Variants in DIAPH1 observed in about 807,000 individuals in gnomAD.
DIAPH1 encodes protein diaphanous homolog 1.
DIAPH1 carries 46 observed loss-of-function variants against 140.7 expected under a neutral mutation model. The observed-to-expected ratio is 0.33, with a 90% CI of 0.26 to 0.42. The LOEUF (loss-of-function observed/expected upper bound fraction) is 0.42. Among genes scored for constraint, DIAPH1 ranks in the 10% least tolerant of loss-of-function variants. The pLI is 1.00. For missense variants in DIAPH1, 1,310 were observed against 1,558.7 expected (o/e 0.84, Z 2.69); for synonymous variants, 565 against 551.6 (o/e 1.02, Z -0.34).
At chr5:141,553,092 C>A (rs1389554133) in intron 18 of DIAPH1, among the ~76,000 whole-genome samples, 1 of 151,740 alleles carries the variant, frequency 6.6e-6, no homozygotes, top group Non-Finnish European at 1.5e-5. Context: ...AGTTCAAGAC[C>A]AGCCTAGCCA....
At chr5:141,611,395 T>C (rs1429609354) in intron 1 of DIAPH1, among the ~76,000 whole-genome samples, 1 of 152,124 alleles carries the variant, frequency 6.6e-6, no homozygotes, top group Non-Finnish European at 1.5e-5. Flanking sequence ...AATACACTGT[T>C]AGGAAAATGA....
chr5:141,588,269 G>T lies in DIAPH1; in HGVS notation c.118-19C>A. ...TCAGAGTCTAGGAAACAGGAAAAAG[G>T]AGGGAGAAGAAAGAAGAGAAATCAG... On this transcript the variant is annotated intron_variant, in intron 1 of 27. Coordinates refer to ENST00000389054, the MANE Select transcript of DIAPH1 (RefSeq NM_005219.5). The T allele has an allele frequency of 1.2e-6, 2 of 1,605,654 alleles. No homozygotes were observed. The highest frequency in any genetic ancestry group is 8.5e-7 in the Non-Finnish European group (1 of 1,172,612).
intron 18 of DIAPH1, among the ~76,000 whole-genome samples, chr5:141,570,780 T>A (rs2099895072): frequency 6.6e-6 from 1 of 152,232 alleles, no homozygotes; most frequent in East Asian, 1.9e-4. Flanking sequence ...TCATTATACA[T>A]GACACAATCT....
intron 18 of DIAPH1, among the ~76,000 whole-genome samples, chr5:141,545,937 A>G (rs1052981826): frequency 6.6e-6 from 1 of 152,246 alleles, no homozygotes; most frequent in East Asian, 1.9e-4. Flanking sequence ...TCCATTTTAA[A>G]GGAATATAGT....
At chr5:141,527,471 GA>G in intron 24 of DIAPH1, 101 bp downstream of exon 24, 1 of 1,332,690 alleles carries the variant, frequency 7.5e-7, no homozygotes, top group South Asian at 1.3e-5. Context: ...TTTTTTAAGA[GA>G]AAAAAATTGC....
intron 1 of DIAPH1, among the ~76,000 whole-genome samples, chr5:141,592,583 A>G (rs557774059): frequency 6.6e-6 from 1 of 152,302 alleles, no homozygotes; most frequent in South Asian, 2.1e-4. Flanking sequence ...TAGGTCTCAG[A>G]TATCCAAGAT....
Position 141,595,799 on chromosome 5 carries a change from C to T in DIAPH1, c.118-7549G>A, listed in dbSNP as rs115810001. On this transcript the variant is annotated intron_variant, in intron 1 of 27. Coordinates refer to ENST00000389054, the MANE Select transcript of DIAPH1 (RefSeq NM_005219.5). ...TGAGAACGGATTGATACACCATGCACGTGTGTGGGCAGCGATATATTGGAA... is the reference window on the plus strand; with the variant it reads ...TGAGAACGGATTGATACACCATGCATGTGTGTGGGCAGCGATATATTGGAA... 7.5e-3 allele frequency among the ~76,000 whole-genome samples: 1,146 copies of T among 152,228 alleles called. 19 individuals carry two copies. The highest frequency in any genetic ancestry group is 0.025 in the African/African-American group (1,037 of 41,534).
At chr5:141,536,211 A>G (rs2099888988) in intron 18 of DIAPH1, 1 of 289,164 alleles carries the variant, frequency 3.5e-6, no homozygotes, top group South Asian at 3.2e-5. Context: ...TTGACGTGGG[A>G]AAATCACCTG....
At position 141,617,842 on chromosome 5, in the gene DIAPH1, G is replaced by A. The variant is rs144493804; in HGVS notation, c.117+956C>T. Among the ~76,000 whole-genome samples the A allele has an allele frequency of 4.8e-3, 729 of 152,260 alleles. 6 individuals are homozygous for A. Among genetic ancestry groups the A allele is most frequent in the African/African-American group, 0.017 (689 of 41,552 alleles). ...ATGTATATCACTATTCCTTCACTCGGATTGAAAGTAACTGGCACTTGAGGA... is the reference window on the plus strand; with the variant it reads ...ATGTATATCACTATTCCTTCACTCGAATTGAAAGTAACTGGCACTTGAGGA... On this transcript the variant is annotated intron_variant, in intron 1 of 27. Transcript: ENST00000389054.
chr5:141,605,739 G>A (rs751986814), intron 1 of DIAPH1, among the ~76,000 whole-genome samples: 1 of 152,096 alleles, frequency 6.6e-6, no homozygotes, highest in Non-Finnish European at 1.5e-5. Flanking sequence ...GGTCTCTTCC[G>A]ACTCCTTAAA....
chr5:141,573,624 T>C lies in DIAPH1; in HGVS notation c.2226A>G (p.Pro742=). ...FPGGPGIPPP[P]PGMGMPPPPP... Reference sequence around the variant, plus strand: ...GAGGTGGAGGCATACCCATTCCGGGTGGAGGTGGAGGAATGCCAGGGCCTC... The same window carrying C: ...GAGGTGGAGGCATACCCATTCCGGGCGGAGGTGGAGGAATGCCAGGGCCTC... Residue 742 remains proline (P), a synonymous_variant, in exon 16 of 28, where the codon CCA becomes CCG. Coordinates refer to ENST00000389054, the MANE Select transcript of DIAPH1 (RefSeq NM_005219.5). 6.2e-7 allele frequency: 1 copy of C among 1,611,566 alleles called. No individual in the cohort carries two copies. Among genetic ancestry groups the C allele is most frequent in the Non-Finnish European group, 8.5e-7 (1 of 1,179,348 alleles).
chr5:141,593,502 G>A (rs1400953919), intron 1 of DIAPH1, among the ~76,000 whole-genome samples: 1 of 152,196 alleles, frequency 6.6e-6, no homozygotes, highest in Non-Finnish European at 1.5e-5. Flanking sequence ...GGTTGGAAGT[G>A]TCTTCTCTGG....
intron 1 of DIAPH1, among the ~76,000 whole-genome samples, chr5:141,610,709 G>T (rs1295746070): frequency 6.6e-6 from 1 of 151,680 alleles, no homozygotes; most frequent in East Asian, 1.9e-4. Flanking sequence ...CTCAGCCTCC[G>T]AGAGTGCTGG....
At chr5:141,583,749 C>A in intron 4 of DIAPH1, 134 bp from the exon 5 acceptor site, 1 of 1,276,176 alleles carries the variant, frequency 7.8e-7, no homozygotes, top group South Asian at 1.3e-5. Context: ...CTACGTTGCC[C>A]AGGCTGATTT....
At chr5:141,542,003 T>TA (rs2099890061) in intron 18 of DIAPH1, among the ~76,000 whole-genome samples, 1 of 152,134 alleles carries the variant, frequency 6.6e-6, no homozygotes. Context: ...TTCATCCTAT[T>TA]AAACGGAATC....
intron 8 of DIAPH1, among the ~76,000 whole-genome samples, chr5:141,580,459 AAAG>A (rs2099896581): frequency 6.6e-6 from 1 of 152,086 alleles, no homozygotes; most frequent in Non-Finnish European, 1.5e-5. Context: ...TTAAAAAAAA[AAAG>A]AATAGTAAAA....
chr5:141,562,234 A>G (rs2099893657), intron 18 of DIAPH1, among the ~76,000 whole-genome samples: 1 of 123,006 alleles, frequency 8.1e-6, no homozygotes, highest in Non-Finnish European at 1.9e-5. Context: ...AAAAAAAAAG[A>G]ACAATTATTT....
intron 27 of DIAPH1, among the ~76,000 whole-genome samples, chr5:141,523,763 TCTGA>T (rs750081176): frequency 2.0e-5 from 3 of 151,304 alleles, no homozygotes; most frequent in African/African-American, 7.3e-5. Context: ...GAGTAAGGAC[TCTGA>T]CTTATTTTTT....
chr5:141,541,631 G>A (rs575330156), intron 18 of DIAPH1, among the ~76,000 whole-genome samples: 3 of 147,900 alleles, frequency 2.0e-5, no homozygotes, highest in Admixed American at 1.4e-4. Flanking sequence ...GTTCTAGTGA[G>A]CCAAGATTGT....
Sources: gnomAD v4.1 joint callset for allele counts (sites outside exome capture counted in the v4.1 genomes callset) on GRCh38, gnomAD v4.1.1 for gene constraint, MANE v1.5 for transcripts, NCBI Gene and HGNC (gene_info 2026-07-23, HGNC 2026-07-21) for gene names.